MSR1: variants seen among roughly 807,000 people sequenced by gnomAD.
MSR1 encodes macrophage scavenger receptor types I and II.
A neutral mutation model predicts 47.2 loss-of-function variants in MSR1; 53 were observed. That is an observed-to-expected ratio of 1.12 (90% CI 0.90 to 1.41). MSR1 has a LOEUF of 1.41. Ranked by LOEUF, MSR1 falls within the 40% of genes most tolerant of loss-of-function variation. The pLI is 0.00. For missense variants in MSR1, 786 were observed against 546.9 expected (o/e 1.44, Z -4.36); for synonymous variants, 239 against 185.6 (o/e 1.29, Z -2.34).
At chr8:16,129,275 G>A (rs1208114356) in intron 8 of MSR1, among the ~76,000 whole-genome samples, 1 of 151,932 alleles carries the variant, frequency 6.6e-6, no homozygotes, top group Non-Finnish European at 1.5e-5. Flanking sequence ...ATACCTGAGG[G>A]TCCAATGTTT....
chr8:16,152,818 C>T (rs553743332), intron 6 of MSR1, among the ~76,000 whole-genome samples: 18 of 152,080 alleles, frequency 1.2e-4, no homozygotes, highest in Admixed American at 5.2e-4. Flanking sequence ...ATCCTGGAAG[C>T]GCTGTGAATT....
At chr8:16,117,337 G>A (rs1056359278) in intron 9 of MSR1, among the ~76,000 whole-genome samples, 28 of 152,108 alleles carry the variant, frequency 1.8e-4, no homozygotes, top group Admixed American at 1.2e-3. Context: ...GGCTGCAGCC[G>A]TGATGCTAGA....
intron 5 of MSR1, among the ~76,000 whole-genome samples, chr8:16,160,046 A>G (rs1585172916): frequency 6.6e-6 from 1 of 152,024 alleles, no homozygotes; most frequent in East Asian, 1.9e-4. Context: ...ATTCAAGACT[A>G]GTTAAGAGAC....
intron 4 of MSR1, among the ~76,000 whole-genome samples, chr8:16,166,758 T>A (rs1017861244): frequency 1.3e-5 from 2 of 152,160 alleles, no homozygotes; most frequent in Admixed American, 1.3e-4. Flanking sequence ...TTTTGGTGTG[T>A]CCTTGATAAG....
intron 9 of MSR1, among the ~76,000 whole-genome samples, chr8:16,117,905 A>G (rs568082449): frequency 2.6e-5 from 4 of 152,168 alleles, no homozygotes; most frequent in Non-Finnish European, 4.4e-5. Context: ...AATAGAAATA[A>G]TGTGCACAAT....
intron 8 of MSR1, among the ~76,000 whole-genome samples, chr8:16,126,483 G>T (rs532126048): frequency 6.6e-6 from 1 of 152,194 alleles, no homozygotes; most frequent in East Asian, 1.9e-4. Flanking sequence ...AAATCTGGTT[G>T]CAGTTTGACC....
At position 16,190,373 on chromosome 8, in the gene MSR1, C is replaced by G. The variant is rs73205097; in HGVS notation, c.-5+2225G>C. Among the ~76,000 whole-genome samples the G allele has an allele frequency of 3.4e-3, 516 of 152,156 alleles. 4 individuals are homozygous for G. Among genetic ancestry groups the G allele is most frequent in the Middle Eastern group, 0.01 (3 of 294 alleles). ...ATTCCAGACTTATATGTGAATATGGCAGTTTCAAGCAAAATTCACTACCAT... is the reference window on the plus strand; with the variant it reads ...ATTCCAGACTTATATGTGAATATGGGAGTTTCAAGCAAAATTCACTACCAT... On this transcript the variant is annotated intron_variant, in intron 1 of 9. Coordinates refer to ENST00000262101, the MANE Select transcript of MSR1 (RefSeq NM_138715.3).
intron 7 of MSR1, among the ~76,000 whole-genome samples, chr8:16,148,138 T>G (rs1269670818): frequency 6.6e-6 from 1 of 152,176 alleles, no homozygotes; most frequent in African/African-American, 2.4e-5. Flanking sequence ...CAGTATGGAA[T>G]TAATCACTCC....
At chr8:16,120,632 A>AAAAG (rs1299232411) in intron 8 of MSR1, 26 bp from the exon 9 acceptor site, 2 of 1,562,714 alleles carry the variant, frequency 1.3e-6, no homozygotes, top group Admixed American at 3.8e-5. Flanking sequence ...AAAAAAAAAA[A>AAAAG]AAAAAAAAAG....
intron 9 of MSR1, among the ~76,000 whole-genome samples, chr8:16,119,776 T>C (rs1379250325): frequency 6.6e-6 from 1 of 151,666 alleles, no homozygotes; most frequent in East Asian, 1.9e-4. Flanking sequence ...AGCGTGACCA[T>C]AGCTCATGTA....
chr8:16,163,995 C>A (rs1471310583), intron 5 of MSR1, 70 bp downstream of exon 5: 3 of 1,206,878 alleles, frequency 2.5e-6, no homozygotes, highest in Non-Finnish European at 3.4e-6. Context: ...TTTCAAATAT[C>A]AAATCTCTGC....
rs111591492 is a variant in MSR1, at chr8:16,168,169, G to C, written c.630+289C>G. Among the ~76,000 whole-genome samples, 9 of 152,260 alleles carry C rather than the reference G, an allele frequency of 5.9e-5. 2 individuals carry two copies. The highest frequency in any genetic ancestry group is 2.2e-4 in the African/African-American group (9 of 41,558). ...TCTGCTAAGATAACCTAAAAATTAT[G>C]ATTGGTTTAGGCAGTCTAAAAAGAC... On this transcript the variant is annotated intron_variant, in intron 4 of 9. Transcript: ENST00000262101.
rs1802100649 is a variant in MSR1 at position 16,189,335 on chromosome 8, A to G, written c.-5+3263T>C. On this transcript the variant is annotated intron_variant, in intron 1 of 9. Coordinates refer to ENST00000262101, the MANE Select transcript of MSR1 (RefSeq NM_138715.3). ...ATAAAATCTTATTTACATTTCATAT[A>G]TATATAAAATCTTATTTTATATATT... Among the ~76,000 whole-genome samples the G allele has an allele frequency of 3.8e-5, 5 of 129,966 alleles. No homozygotes were observed. In the South Asian group the frequency reaches 1.2e-3, roughly 31 times the overall value. The allele number at this position is 129,966 out of a possible 152,430, so 85.3% of individuals were successfully genotyped here. A position where few individuals can be genotyped will look rare whatever the true frequency, so the allele number is the denominator to read the frequency against.
At position 16,108,545 on chromosome 8, in the gene MSR1, G is replaced by T. The variant is rs1194510437; in HGVS notation, c.*1540C>A. 1 of 152,048 alleles carries T rather than the reference G, an allele frequency of 6.6e-6. No individual in the cohort carries two copies. Among genetic ancestry groups the T allele is most frequent in the Non-Finnish European group, 1.5e-5 (1 of 67,978 alleles). 9.4% of individuals were successfully genotyped at this position (152,048 alleles called of 1,614,324 possible). ...ATTTACCTTTTGAAGAAAATACCTA[G>T]ATAGTGGAACTGAACACAAAGAATT... On this transcript the variant is annotated 3_prime_UTR_variant, in exon 10 of 10. Transcript: ENST00000262101.
At position 16,110,052 on chromosome 8, in the gene MSR1, C is replaced by A; in HGVS notation, c.*33G>T. The A allele has an allele frequency of 6.2e-7, 1 of 1,611,522 alleles. No homozygotes were observed. The highest frequency in any genetic ancestry group is 8.5e-7 in the Non-Finnish European group (1 of 1,178,292). ...AGGTAATAAAATCATTTTTGAGCAG[C>A]GATTTCATAGTTGTGAATGAAAATA... On this transcript the variant is annotated 3_prime_UTR_variant, in exon 10 of 10. Coordinates refer to ENST00000262101, the MANE Select transcript of MSR1 (RefSeq NM_138715.3).
chr8:16,130,210 C>A (rs1375326420), intron 8 of MSR1, among the ~76,000 whole-genome samples: 1 of 152,070 alleles, frequency 6.6e-6, no homozygotes, highest in African/African-American at 2.4e-5. Flanking sequence ...ACAGGTATAT[C>A]CTGTTTTATT....
intron 8 of MSR1, among the ~76,000 whole-genome samples, chr8:16,134,776 G>T (rs1448946478): frequency 6.6e-6 from 1 of 152,162 alleles, no homozygotes; most frequent in Non-Finnish European, 1.5e-5. Context: ...GTTCTTGAAA[G>T]CAATTAAAAG....
intron 8 of MSR1, among the ~76,000 whole-genome samples, chr8:16,136,683 A>T (rs1004422598): frequency 6.6e-6 from 1 of 152,006 alleles, no homozygotes; most frequent in Admixed American, 6.5e-5. Context: ...GCTCACTGCA[A>T]CCTCTGCCTC....
chr8:16,178,665 C>G (rs562745031), intron 1 of MSR1, among the ~76,000 whole-genome samples: 1 of 152,242 alleles, frequency 6.6e-6, no homozygotes, highest in East Asian at 1.9e-4. Context: ...TTCTAAATCC[C>G]TGAGGAATTG....
Sources: gnomAD v4.1 joint callset for allele counts (sites outside exome capture counted in the v4.1 genomes callset) on GRCh38, gnomAD v4.1.1 for gene constraint, MANE v1.5 for transcripts, NCBI Gene and HGNC (gene_info 2026-07-23, HGNC 2026-07-21) for gene names.